RNF220: variants seen among roughly 807,000 people sequenced by gnomAD.
RNF220 encodes E3 ubiquitin-protein ligase RNF220.
In RNF220, 7 loss-of-function variants were observed where a neutral mutation model predicts 67.1. The ratio of observed to expected loss-of-function variants is 0.10; its 90% CI spans 0.06 to 0.20. The LOEUF (loss-of-function observed/expected upper bound fraction) is 0.20, where lower values mean the gene tolerates loss of function less well. Among genes scored for constraint, RNF220 ranks in the 10% least tolerant of loss-of-function variants. RNF220 has a pLI of 1.00. For missense variants in RNF220, 565 were observed against 740.3 expected (o/e 0.76, Z 2.75); for synonymous variants, 270 against 283.2 (o/e 0.95, Z 0.47).
chr1:44,509,880 C>A (rs1658804494), intron 2 of RNF220, among the ~76,000 whole-genome samples: 1 of 27,420 alleles, frequency 3.6e-5, no homozygotes, highest in Non-Finnish European at 7.1e-5. Context: ...GAGCGAGACC[C>A]TGTCCAAAAA....
At chr1:44,441,900 C>T (rs1557929582) in intron 2 of RNF220, among the ~76,000 whole-genome samples, 2 of 152,252 alleles carry the variant, frequency 1.3e-5, no homozygotes, top group East Asian at 1.9e-4. Context: ...ATGGAAACAG[C>T]CAAATACGTT....
At chr1:44,613,167 C>T (rs1001552755) in intron 2 of RNF220, among the ~76,000 whole-genome samples, 3 of 149,544 alleles carry the variant, frequency 2.0e-5, no homozygotes, top group Non-Finnish European at 4.4e-5. Flanking sequence ...GCTCCTCAAC[C>T]CCACACCTGT....
At chr1:44,530,215 A>G (rs879913985) in intron 2 of RNF220, among the ~76,000 whole-genome samples, 9 of 152,210 alleles carry the variant, frequency 5.9e-5, no homozygotes, top group Admixed American at 3.3e-4. Flanking sequence ...GGAAATGTAT[A>G]AACACATTTC....
At position 44,526,635 on chromosome 1, in the gene RNF220, T is replaced by C. The variant is rs528551165; in HGVS notation, c.626-87530T>C. Among the ~76,000 whole-genome samples, 50 of 152,264 alleles carry C rather than the reference T, an allele frequency of 3.3e-4. No individual in the cohort carries two copies. In the East Asian group the frequency reaches 6.6e-3, roughly 20 times the overall value. On this transcript the variant is annotated intron_variant, in intron 2 of 14. Coordinates refer to ENST00000361799, the MANE Select transcript of RNF220 (RefSeq NM_018150.4). ...GCACCACCATCTCTTCTCTCACATTTTAAATATCCCTCTTCCTACCAATGC... is the reference window on the plus strand; with the variant it reads ...GCACCACCATCTCTTCTCTCACATTCTAAATATCCCTCTTCCTACCAATGC...
intron 2 of RNF220, among the ~76,000 whole-genome samples, chr1:44,596,323 AG>A (rs1303231980): frequency 6.6e-6 from 1 of 152,112 alleles, no homozygotes; most frequent in Non-Finnish European, 1.5e-5. Context: ...GCACTTTGGG[AG>A]GCTGAGGCAG....
chr1:44,429,671 G>A (rs1650152919), intron 2 of RNF220, among the ~76,000 whole-genome samples: 2 of 152,250 alleles, frequency 1.3e-5, no homozygotes, highest in Admixed American at 1.3e-4. Context: ...GATGGCAAAT[G>A]TGAAGCATTT....
intron 2 of RNF220, among the ~76,000 whole-genome samples, chr1:44,546,910 C>T (rs1662205763): frequency 6.6e-6 from 1 of 152,212 alleles, no homozygotes; most frequent in South Asian, 2.1e-4. Flanking sequence ...CTCACCTGCC[C>T]CAGTCCCAGA....
At chr1:44,449,886 G>C (rs902562238) in intron 2 of RNF220, among the ~76,000 whole-genome samples, 3 of 152,110 alleles carry the variant, frequency 2.0e-5, no homozygotes, top group Non-Finnish European at 4.4e-5. Flanking sequence ...GATGATCCAC[G>C]TAACGGAGAT....
At chr1:44,632,040 C>G in intron 5 of RNF220, 1 of 1,079,476 alleles carries the variant, frequency 9.3e-7, no homozygotes, top group Non-Finnish European at 1.1e-6. Context: ...GGGAATCCGC[C>G]CGCATCGCCG....
In RNF220 at chr1:44,417,720, C is replaced by A. The variant is rs1350250871; in HGVS notation, c.625+4998C>A. 6.6e-6 allele frequency among the ~76,000 whole-genome samples: 1 copy of A among 152,210 alleles called. No homozygotes were observed. Among genetic ancestry groups the A allele is most frequent in the Non-Finnish European group, 1.5e-5 (1 of 68,038 alleles). On this transcript the variant is annotated intron_variant, in intron 2 of 14. Transcript: ENST00000361799. The surrounding 1 kb of genome is among the most constrained non-coding windows in gnomAD (Gnocchi z 4.0). ...CCGCCCGCCAGCCCCTCGCCGCTGC[C>A]GGCAGAAGGGTGGCTGGTAATTGAT...
intron 2 of RNF220, among the ~76,000 whole-genome samples, chr1:44,577,241 C>G (rs1163378844): frequency 2.6e-5 from 4 of 152,174 alleles, no homozygotes; most frequent in Admixed American, 1.3e-4. Context: ...GGCCACTGCC[C>G]AAGTACAAGC....
At chr1:44,468,200 T>C (rs955977942) in intron 2 of RNF220, among the ~76,000 whole-genome samples, 49 of 130,844 alleles carry the variant, frequency 3.7e-4, no homozygotes, top group African/African-American at 1.4e-3. Flanking sequence ...TTGTAAAAAA[T>C]GTAATGTCTA....
At chr1:44,461,112 G>A (rs1653718594) in intron 2 of RNF220, among the ~76,000 whole-genome samples, 1 of 152,100 alleles carries the variant, frequency 6.6e-6, no homozygotes, top group African/African-American at 2.4e-5. Flanking sequence ...CAGCACTATT[G>A]TATCCCTAGA....
chr1:44,613,186 G>A (rs1436652120), intron 2 of RNF220, among the ~76,000 whole-genome samples: 2 of 147,258 alleles, frequency 1.4e-5, no homozygotes, highest in African/African-American at 2.5e-5. Flanking sequence ...GTAAGCAGAG[G>A]CCACAGAGCA....
At position 44,650,995 on chromosome 1, in the gene RNF220, G is replaced by T; in HGVS notation, c.*220G>T. 3 of 525,498 alleles carry T rather than the reference G, an allele frequency of 5.7e-6. No individual in the cohort carries two copies. Among genetic ancestry groups the T allele is most frequent in the Admixed American group, 2.7e-5 (1 of 37,206 alleles). 32.6% of individuals were successfully genotyped at this position (525,498 alleles called of 1,614,324 possible). ...CACTACCTGCTGGCTCCCACCTATG[G>T]TTTGGGGGCCATACCTGTTCCAGCT... On this transcript the variant is annotated 3_prime_UTR_variant, in exon 15 of 15. Transcript: ENST00000361799. The surrounding 1 kb of genome is among the most constrained non-coding windows in gnomAD (Gnocchi z 4.3).
At chr1:44,510,252 G>C (rs1658875092) in intron 2 of RNF220, among the ~76,000 whole-genome samples, 1 of 145,930 alleles carries the variant, frequency 6.9e-6, no homozygotes, top group South Asian at 2.2e-4. Flanking sequence ...AAAAAGGAAA[G>C]AGAGAGAGAG....
chr1:44,565,526 C>T lies in RNF220; in HGVS notation c.626-48639C>T, dbSNP rs1040523096. 5.9e-5 allele frequency among the ~76,000 whole-genome samples: 9 copies of T among 152,160 alleles called. No homozygotes were observed. Among genetic ancestry groups the T allele is most frequent in the African/African-American group, 1.9e-4 (8 of 41,434 alleles). ...AGGAAGCAGTGGGCCCATTCCTCAG[C>T]GCTAATGCCCCCAGCCTAACACAAT... On this transcript the variant is annotated intron_variant, in intron 2 of 14. Transcript: ENST00000361799. The surrounding 1 kb of genome is among the most constrained non-coding windows in gnomAD (Gnocchi z 4.2).
At chr1:44,497,397 G>C (rs966279659) in intron 2 of RNF220, among the ~76,000 whole-genome samples, 20 of 151,648 alleles carry the variant, frequency 1.3e-4, no homozygotes, top group Non-Finnish European at 2.5e-4. Context: ...TGGTCATTCT[G>C]TGCTTAGAGA....
intron 2 of RNF220, among the ~76,000 whole-genome samples, chr1:44,450,362 T>C (rs190972465): frequency 9.2e-5 from 14 of 151,832 alleles, no homozygotes; most frequent in Admixed American, 7.9e-4. Context: ...TTCATGCCCA[T>C]TGCAAAAAAA....
Sources: allele counts gnomAD v4.1 joint callset (sites outside exome capture counted in the v4.1 genomes callset), GRCh38; gene constraint gnomAD v4.1.1; non-coding constraint Gnocchi (gnomAD v3.1); transcripts MANE v1.5; gene names NCBI Gene and HGNC (gene_info 2026-07-23, HGNC 2026-07-21).